The following PBX1 variants were observed in gnomAD, a reference collection of about 807,000 sequenced individuals.
The protein encoded by PBX1 is pre-B-cell leukemia transcription factor 1.
Under a neutral mutation model 53.4 loss-of-function variants are expected in PBX1, and 6 were observed. The observed-to-expected ratio is 0.11, with a 90% CI of 0.06 to 0.22. PBX1 has a LOEUF of 0.22. Ranked by LOEUF, PBX1 falls within the 10% of genes least tolerant of loss-of-function variation. The pLI, the probability that PBX1 is intolerant of heterozygous loss-of-function variation, is 1.00. For missense variants in PBX1, 251 were observed against 551.4 expected (o/e 0.46, Z 5.46); for synonymous variants, 204 against 212.3 (o/e 0.96, Z 0.34).
intron 2 of PBX1, among the ~76,000 whole-genome samples, chr1:164,882,693 A>T (rs1672689083): frequency 6.6e-6 from 1 of 152,066 alleles, no homozygotes; most frequent in Non-Finnish European, 1.5e-5. Flanking sequence ...TCTCATTTTG[A>T]CCTCTCAAAA....
At chr1:164,784,895 A>T (rs564660903) in intron 2 of PBX1, among the ~76,000 whole-genome samples, 5 of 152,352 alleles carry the variant, frequency 3.3e-5, no homozygotes, top group African/African-American at 4.8e-5. Flanking sequence ...GCAAACCAAG[A>T]AAAACAGTTG....
At chr1:164,783,058 A>G (rs1668008810) in intron 2 of PBX1, among the ~76,000 whole-genome samples, 1 of 152,190 alleles carries the variant, frequency 6.6e-6, no homozygotes, top group African/African-American at 2.4e-5. Flanking sequence ...CTTCAGAACT[A>G]AGTGGTTCCC....
In PBX1 at chr1:164,701,084, A is replaced by AG. The variant is rs200498895; in HGVS notation, c.266-91410_266-91409insG. On this transcript the variant is annotated intron_variant, in intron 2 of 8. Transcript: ENST00000420696. ...ATGAAACAATATATGCGTGTCAGAT[A>AG]ATAAGGTAAAGCTCCAACTCCTAAT... Among the ~76,000 whole-genome samples, 1,271 of 152,310 alleles carry AG rather than the reference A, an allele frequency of 8.3e-3. 60 individuals carry two copies. The highest frequency in any genetic ancestry group is 0.069 in the Admixed American group (1,050 of 15,298).
chr1:164,559,773 G>A lies in PBX1; in HGVS notation c.-50G>A, dbSNP rs544814565. The A allele has an allele frequency of 6.9e-6, 10 of 1,446,370 alleles. No homozygotes were observed. The African/African-American group carries it at 1.0e-4, about 15-fold the overall frequency. 89.6% of individuals were successfully genotyped at this position (1,446,370 alleles called of 1,614,324 possible). ...AAAGCCTTGGTGCTTCCCAGGAGCC[G>A]AGCCGAGGAGCAGAAGAGGAAGAGC... On this transcript the variant is annotated 5_prime_UTR_variant, in exon 1 of 9. Coordinates refer to ENST00000420696, the MANE Select transcript of PBX1 (RefSeq NM_002585.4).
intron 4 of PBX1, among the ~76,000 whole-genome samples, chr1:164,807,154 G>A (rs1669399717): frequency 6.6e-6 from 1 of 152,144 alleles, no homozygotes; most frequent in Admixed American, 6.5e-5. Flanking sequence ...CTACTCAAGA[G>A]GCTGAGACAG....
chr1:164,648,155 C>T (rs1358889160), intron 2 of PBX1, among the ~76,000 whole-genome samples: 1 of 152,036 alleles, frequency 6.6e-6, no homozygotes, highest in Non-Finnish European at 1.5e-5. Context: ...TGTGAAATAC[C>T]CGGGGACCTG....
chr1:164,618,301 G>GC (rs1023397998), intron 2 of PBX1, among the ~76,000 whole-genome samples: 13 of 142,182 alleles, frequency 9.1e-5, no homozygotes, highest in Admixed American at 2.8e-4. Flanking sequence ...TCACGGCGGG[G>GC]GGGGGGGGGC....
intron 2 of PBX1, among the ~76,000 whole-genome samples, chr1:164,865,272 ATGC>A (rs1339177069): frequency 6.6e-6 from 1 of 152,202 alleles, no homozygotes; most frequent in African/African-American, 2.4e-5. Context: ...GGATCCGTTT[ATGC>A]TGCCCTAAAG....
chr1:164,848,904 A>G lies in PBX1; in HGVS notation c.*2228A>G. 9.4e-7 allele frequency: 1 copy of G among 1,069,006 alleles called. No homozygotes were observed. The highest frequency in any genetic ancestry group is 1.1e-6 in the Non-Finnish European group (1 of 881,850). 66.2% of individuals were successfully genotyped at this position (1,069,006 alleles called of 1,614,324 possible). A position where few individuals can be genotyped will look rare whatever the true frequency, so the allele number is the denominator to read the frequency against. ...ATGTGTATTTGAAGGAAATGCAAAA[A>G]CTAAGTATTTAGCAAAATGAAATTA... On this transcript the variant is annotated 3_prime_UTR_variant, in exon 9 of 9. Coordinates refer to ENST00000420696, the MANE Select transcript of PBX1 (RefSeq NM_002585.4).
intron 2 of PBX1, among the ~76,000 whole-genome samples, chr1:164,700,054 GT>G (rs1217509284): frequency 6.6e-6 from 1 of 152,206 alleles, no homozygotes; most frequent in Non-Finnish European, 1.5e-5. Flanking sequence ...ATGAGGTAAT[GT>G]GGCGGGAGGT....
At chr1:164,837,564 G>A (rs1273288536) in intron 8 of PBX1, among the ~76,000 whole-genome samples, 4 of 152,140 alleles carry the variant, frequency 2.6e-5, no homozygotes, top group Non-Finnish European at 4.4e-5. Flanking sequence ...TTGATGTTTA[G>A]AAGTGTGTTT....
At chr1:164,776,492 T>C (rs1429032119) in intron 2 of PBX1, among the ~76,000 whole-genome samples, 2 of 152,206 alleles carry the variant, frequency 1.3e-5, no homozygotes, top group African/African-American at 4.8e-5. Flanking sequence ...CCCTCTTTTC[T>C]TTTGCCATTC....
chr1:164,671,162 T>C (rs1661090650), intron 2 of PBX1, among the ~76,000 whole-genome samples: 1 of 151,150 alleles, frequency 6.6e-6, no homozygotes, highest in Admixed American at 6.6e-5. Context: ...ATATATGTGT[T>C]TTTCAAGTGC....
intron 2 of PBX1, among the ~76,000 whole-genome samples, chr1:164,619,088 A>G (rs2101847086): frequency 6.6e-6 from 1 of 152,282 alleles, no homozygotes; most frequent in South Asian, 2.1e-4. Flanking sequence ...AGGGAAATTT[A>G]GGGTTAGACA....
At chr1:164,618,188 C>T (rs561756224) in intron 2 of PBX1, among the ~76,000 whole-genome samples, 1 of 152,170 alleles carries the variant, frequency 6.6e-6, no homozygotes, top group South Asian at 2.1e-4. Flanking sequence ...CTGAACAACT[C>T]TCCTCCTCCC....
chr1:164,672,561 G>A (rs1158894707), intron 2 of PBX1, among the ~76,000 whole-genome samples: 1 of 152,176 alleles, frequency 6.6e-6, no homozygotes, highest in East Asian at 1.9e-4. Context: ...GGTTCTTGGA[G>A]TATTAATAAT....
chr1:164,781,291 T>G (rs529653105), intron 2 of PBX1, among the ~76,000 whole-genome samples: 1 of 152,226 alleles, frequency 6.6e-6, no homozygotes, highest in East Asian at 1.9e-4. Flanking sequence ...CTGCTTCCAC[T>G]AAAGTGAACA....
chr1:164,789,779 G>T (rs947931497), intron 2 of PBX1, among the ~76,000 whole-genome samples: 2 of 152,178 alleles, frequency 1.3e-5, no homozygotes, highest in African/African-American at 4.8e-5. Context: ...CCAGCTGAAG[G>T]GTTACCAGCC....
chr1:164,769,911 C>T (rs1464138723), intron 2 of PBX1: 7 of 152,178 alleles, frequency 4.6e-5, no homozygotes, highest in South Asian at 2.1e-4. Context: ...GAGACCAGTA[C>T]ATCCCTGCAC....
Sources: allele counts gnomAD v4.1 joint callset (sites outside exome capture counted in the v4.1 genomes callset), GRCh38; gene constraint gnomAD v4.1.1; transcripts MANE v1.5; gene names NCBI Gene and HGNC (gene_info 2026-07-23, HGNC 2026-07-21).